The following RBM41 variants were observed in gnomAD, a reference collection of about 807,000 sequenced individuals.
RBM41 encodes RNA binding motif protein 41.
A neutral mutation model predicts 30.8 loss-of-function variants in RBM41; 14 were observed. The observed-to-expected ratio is 0.45, with a 90% CI of 0.30 to 0.71. The LOEUF is 0.71. RBM41 is among the 30% of genes least tolerant of loss of function. The probability of loss-of-function intolerance (pLI) is 0.08; values close to 1 mark genes in which losing one functional copy is unlikely to be tolerated. For synonymous variants in RBM41, 120 were observed against 110.1 expected (o/e 1.09, Z -0.56); for missense variants, 276 against 326.3 (o/e 0.85, Z 1.19).
chrX:107,105,007 G>T (rs1463946942), intron 5 of RBM41, among the ~76,000 whole-genome samples: 1 of 110,206 alleles, frequency 9.1e-6, no homozygotes, highest in Admixed American at 9.7e-5. Context: ...AGTGTTGGAA[G>T]TTCTGGCCAG....
chrX:107,086,021 T>A (rs1195078672), intron 6 of RBM41, among the ~76,000 whole-genome samples: 1 of 111,935 alleles, frequency 8.9e-6, no homozygotes, highest in African/African-American at 3.2e-5. Context: ...AACGATTAAA[T>A]ATTCAGCAAA....
rs905402459 is a variant in RBM41, at chrX:107,069,374, C to T, written c.1028G>A (p.Arg343Gln). Residue 343 changes from arginine (R) to glutamine (Q), a missense_variant, in exon 7 of 8, where the codon CGG becomes CAG. Transcript: ENST00000685964. ...TGACACAAGATCTCTTTCAGTCACC[C>T]GAGGGCTAAGGTTCTTCAGGTATAA... Reference protein sequence around the residue: ...KVLYLKNLSPRVTERDLVSLF... With the variant: ...KVLYLKNLSPQVTERDLVSLF... 4 of 1,204,770 alleles carry T rather than the reference C, an allele frequency of 3.3e-6. No homozygotes were observed. Among genetic ancestry groups the T allele is most frequent in the East Asian group, 3.0e-5 (1 of 33,703 alleles).
the RBM41 span, among the ~76,000 whole-genome samples, chrX:107,052,880 T>A: frequency 8.9e-6 from 1 of 112,105 alleles, no homozygotes; most frequent in African/African-American, 3.2e-5. Flanking sequence ...CGAATTTCTT[T>A]AACTTTCTCA....
chrX:107,092,957 T>C (rs1285557), intron 5 of RBM41, among the ~76,000 whole-genome samples: 6,017 of 111,764 alleles, frequency 0.054, 404 homozygotes, highest in African/African-American at 0.19. Flanking sequence ...TTAGCAAAAA[T>C]ACAAATGTTC....
chrX:107,111,263 C>T (rs909027802), intron 5 of RBM41, among the ~76,000 whole-genome samples: 1 of 111,310 alleles, frequency 9.0e-6, no homozygotes, highest in African/African-American at 3.3e-5. Context: ...AGAAGATATA[C>T]AAATGGCCAA....
rs888334279 is a variant in RBM41 at position 107,063,784 on chromosome X, ATC to A, written c.*3741_*3742del. Among the ~76,000 whole-genome samples, 2 of 110,428 alleles carry A rather than the reference ATC, an allele frequency of 1.8e-5. No individual in the cohort carries two copies. Among genetic ancestry groups the A allele is most frequent in the Non-Finnish European group, 3.8e-5 (2 of 52,921 alleles). On this transcript the variant is annotated 3_prime_UTR_variant, in exon 8 of 8. Transcript: ENST00000685964. ...TCAGTTTTACTGATCTTTTTATAGA[ATC>A]AACTTTTGGTTGCATTGATTTTTCT...
At chrX:107,094,777 A>C (rs978598584) in intron 5 of RBM41, among the ~76,000 whole-genome samples, 2 of 110,863 alleles carry the variant, frequency 1.8e-5, no homozygotes, top group African/African-American at 6.6e-5. Flanking sequence ...TGCAGAGGAT[A>C]ATGTGAGGAA....
At chrX:107,102,842 A>C (rs1192875375) in intron 5 of RBM41, among the ~76,000 whole-genome samples, 1 of 111,652 alleles carries the variant, frequency 9.0e-6, no homozygotes, top group Non-Finnish European at 1.9e-5. Context: ...AACTTGCTTT[A>C]GACCAGTAAC....
intron 5 of RBM41, among the ~76,000 whole-genome samples, chrX:107,106,821 A>G (rs1163976133): frequency 9.8e-6 from 1 of 102,421 alleles, no homozygotes; most frequent in African/African-American, 3.7e-5. Context: ...TTGAACAATG[A>G]GAATACATGG....
chrX:107,115,699 C>G, intron 3 of RBM41, 143 bp from the exon 4 acceptor site: 1 of 873,566 alleles, frequency 1.1e-6, no homozygotes. Flanking sequence ...AGAACAGCTT[C>G]TCTTTTACCA....
intron 5 of RBM41, among the ~76,000 whole-genome samples, chrX:107,105,154 G>A (rs1239299568): frequency 2.7e-5 from 3 of 111,504 alleles, no homozygotes; most frequent in Non-Finnish European, 3.8e-5. Flanking sequence ...TAAGCTGATA[G>A]GCAATTTCAG....
chrX:107,069,355 A>G lies in RBM41; in HGVS notation c.1047T>C (p.Leu349=). The G allele has an allele frequency of 8.3e-7, 1 of 1,208,300 alleles. No individual in the cohort carries two copies. Among genetic ancestry groups the G allele is most frequent in the South Asian group, 1.8e-5 (1 of 56,662 alleles). Residue 349 remains leucine, a synonymous_variant, in exon 7 of 8, where the codon CTT becomes CTC. Coordinates refer to ENST00000685964, the MANE Select transcript of RBM41 (RefSeq NM_001324242.2). ...CCTGGAACCGAGCGAACAATGACAC[A>G]AGATCTCTTTCAGTCACCCGAGGGC... ...NLSPRVTERD[L]VSLFARFQEK...
rs771525507 is a variant in RBM41 at position 107,106,563 on chromosome X, T to C, written c.595+6834A>G. On this transcript the variant is annotated intron_variant, in intron 5 of 7. Coordinates refer to ENST00000685964, the MANE Select transcript of RBM41 (RefSeq NM_001324242.2). ...TAAAACATGCTGCTATAAAGACACA[T>C]GCACATGTATGTTTATTGCGGCACT... Among the ~76,000 whole-genome samples, 98 of 111,560 alleles carry C rather than the reference T, an allele frequency of 8.8e-4. No individual in the cohort carries two copies. The Middle Eastern group carries it at 0.019, about 21-fold the overall frequency.
chrX:107,086,681 G>T (rs1169198369), intron 6 of RBM41, among the ~76,000 whole-genome samples: 3 of 111,764 alleles, frequency 2.7e-5, no homozygotes, highest in Non-Finnish European at 5.7e-5. Flanking sequence ...AAATCCCATT[G>T]GTTGTAACCT....
downstream of RBM41, among the ~76,000 whole-genome samples, chrX:107,057,558 C>T (rs1042568161): frequency 2.7e-5 from 3 of 111,922 alleles, no homozygotes; most frequent in Admixed American, 1.9e-4. Context: ...TGTGGCCTAA[C>T]GTACAATCTG....
chrX:107,086,245 C>T, intron 6 of RBM41, among the ~76,000 whole-genome samples: 1 of 111,301 alleles, frequency 9.0e-6, no homozygotes, highest in Middle Eastern at 4.6e-3. Flanking sequence ...GATATACATA[C>T]CCTATATATC....
chrX:107,103,349 AAC>A (rs1212995020), intron 5 of RBM41, among the ~76,000 whole-genome samples: 9 of 111,217 alleles, frequency 8.1e-5, no homozygotes, highest in African/African-American at 2.6e-4. Context: ...GCACTGTGAA[AAC>A]ACAGATACAT....
intron 6 of RBM41, among the ~76,000 whole-genome samples, chrX:107,081,511 A>G (rs1205013814): frequency 9.0e-6 from 1 of 111,688 alleles, no homozygotes; most frequent in Admixed American, 9.5e-5. Flanking sequence ...TTGTCTTTTC[A>G]TATAAACTTA....
At chrX:107,112,337 C>T (rs1005849717) in intron 5 of RBM41, among the ~76,000 whole-genome samples, 2 of 111,584 alleles carry the variant, frequency 1.8e-5, no homozygotes, top group Admixed American at 1.9e-4. Flanking sequence ...CAATGAGGTA[C>T]CACTTCACAG....
Sources: allele counts gnomAD v4.1 joint callset (sites outside exome capture counted in the v4.1 genomes callset), GRCh38; gene constraint gnomAD v4.1.1; transcripts MANE v1.5; gene names NCBI Gene and HGNC (gene_info 2026-07-23, HGNC 2026-07-21).